Variants in NTNG1 observed in about 807,000 individuals in gnomAD.
NTNG1 encodes netrin-G1.
In NTNG1, 16 loss-of-function variants were observed where a neutral mutation model predicts 54.0. The observed-to-expected ratio is 0.30, with a 90% CI of 0.20 to 0.45. NTNG1 has a LOEUF of 0.45. Among genes scored for constraint, NTNG1 ranks in the 20% least tolerant of loss-of-function variants. The pLI, the probability that NTNG1 is intolerant of heterozygous loss-of-function variation, is 1.00. For missense variants in NTNG1, 530 were observed against 678.7 expected (o/e 0.78, Z 2.43); for synonymous variants, 255 against 263.1 (o/e 0.97, Z 0.30).
At position 107,480,769 on chromosome 1, in the gene NTNG1, C is replaced by A; in HGVS notation, c.1549C>A (p.Pro517Thr). 3 of 1,603,068 alleles carry A rather than the reference C, an allele frequency of 1.9e-6. No homozygotes were observed. The highest frequency in any genetic ancestry group is 1.7e-6 in the Non-Finnish European group (2 of 1,176,348). The change falls in exon 8 of 8, where the codon CCC becomes ACC. Residue 517 changes from proline to threonine, a missense_variant. Pro to Thr is a conservative substitution (Grantham distance 38). Coordinates refer to ENST00000370068, the MANE Select transcript of NTNG1 (RefSeq NM_001113226.3). The stretch of plus-strand genomic sequence containing the variant: ...CGGCTCCGACTCTGGCCAGGGCGCG[C>A]CCCCGCACGGCTCCCCAGCGCTGCT... Reference protein sequence around the residue: ...SCGSDSGQGAPPHGSPALLLL... With the variant: ...SCGSDSGQGATPHGSPALLLL...
chr1:107,359,327 G>A (rs1272916818), intron 3 of NTNG1, among the ~76,000 whole-genome samples: 2 of 152,158 alleles, frequency 1.3e-5, no homozygotes, highest in South Asian at 2.1e-4. Flanking sequence ...ATTGATTGCA[G>A]AGAAATATAA....
intron 7 of NTNG1, among the ~76,000 whole-genome samples, chr1:107,466,539 C>T (rs988078139): frequency 1.1e-4 from 16 of 152,050 alleles, no homozygotes; most frequent in Non-Finnish European, 1.8e-4. Flanking sequence ...TAAGAAATGT[C>T]GAGGAAAGTG....
chr1:107,378,797 C>A (rs892379851), intron 3 of NTNG1, among the ~76,000 whole-genome samples: 1 of 152,138 alleles, frequency 6.6e-6, no homozygotes, highest in South Asian at 2.1e-4. Context: ...CTCAGTCTGG[C>A]GGGTTGTGGG....
At chr1:107,290,121 A>G (rs1665483919) in intron 2 of NTNG1, among the ~76,000 whole-genome samples, 1 of 152,206 alleles carries the variant, frequency 6.6e-6, no homozygotes, top group Admixed American at 6.5e-5. Flanking sequence ...TTAGTCAACC[A>G]GACACATAAT....
At chr1:107,322,598 A>C (rs1199154405) in intron 2 of NTNG1, among the ~76,000 whole-genome samples, 1 of 152,062 alleles carries the variant, frequency 6.6e-6, no homozygotes. Flanking sequence ...TGGCATGCTT[A>C]AGAGAATTTA....
chr1:107,314,882 T>C (rs1667242698), intron 2 of NTNG1, among the ~76,000 whole-genome samples: 1 of 152,236 alleles, frequency 6.6e-6, no homozygotes, highest in South Asian at 2.1e-4. Context: ...TTGCGTTATC[T>C]GTAAACAAAG....
chr1:107,464,255 C>T (rs1304847548), intron 7 of NTNG1, among the ~76,000 whole-genome samples: 1 of 152,184 alleles, frequency 6.6e-6, no homozygotes. Flanking sequence ...CTTTAGACTA[C>T]AGTATTTAAA....
intron 2 of NTNG1, among the ~76,000 whole-genome samples, chr1:107,255,537 G>A (rs1235216502): frequency 6.6e-6 from 1 of 152,172 alleles, no homozygotes; most frequent in African/African-American, 2.4e-5. Flanking sequence ...TGACTTGAAA[G>A]CTGAAACTCG....
chr1:107,156,619 GAT>G (rs56978389), intron 2 of NTNG1, among the ~76,000 whole-genome samples: 3,390 of 152,250 alleles, frequency 0.022, 113 homozygotes, highest in African/African-American at 0.078. Context: ...TTTAAAGAAT[GAT>G]ATGGCAAAAT....
intron 3 of NTNG1, among the ~76,000 whole-genome samples, chr1:107,370,658 C>T (rs1670866484): frequency 6.6e-6 from 1 of 151,994 alleles, no homozygotes; most frequent in African/African-American, 2.4e-5. Context: ...AGTCTCCAAT[C>T]CCATCCAGTT....
chr1:107,229,238 T>G (rs1393109839), intron 2 of NTNG1, among the ~76,000 whole-genome samples: 2 of 151,190 alleles, frequency 1.3e-5, no homozygotes, highest in Non-Finnish European at 2.9e-5. Flanking sequence ...CAATCTTTGC[T>G]CAATATGTAC....
At chr1:107,218,433 T>C (rs1286197997) in intron 2 of NTNG1, among the ~76,000 whole-genome samples, 1 of 152,190 alleles carries the variant, frequency 6.6e-6, no homozygotes, top group Non-Finnish European at 1.5e-5. Flanking sequence ...AAATGGAGCA[T>C]TTAGGCCATT....
At position 107,483,879 on chromosome 1, in the gene NTNG1, T is replaced by A. The variant is rs1678877079; in HGVS notation, c.*3039T>A. The stretch of plus-strand genomic sequence containing the variant: ...TTATAGGAAGATAATGGACATGCCC[T>A]GCTGTGATTTGAGGGTTATTTATTT... On this transcript the variant is annotated 3_prime_UTR_variant, in exon 8 of 8. Transcript: ENST00000370068. 6.6e-6 allele frequency among the ~76,000 whole-genome samples: 1 copy of A among 152,202 alleles called. No individual in the cohort carries two copies. The highest frequency in any genetic ancestry group is 2.4e-5 in the African/African-American group (1 of 41,454).
chr1:107,406,937 G>A (rs1037905073), intron 4 of NTNG1, among the ~76,000 whole-genome samples: 3 of 152,122 alleles, frequency 2.0e-5, no homozygotes, highest in African/African-American at 7.2e-5. Flanking sequence ...ATATTGCTGG[G>A]TTAGATACAG....
intron 2 of NTNG1, among the ~76,000 whole-genome samples, chr1:107,214,993 A>AT (rs1031698057): frequency 6.7e-6 from 1 of 149,858 alleles, no homozygotes; most frequent in East Asian, 2.0e-4. Flanking sequence ...TTTTTTCTTG[A>AT]TTTTTTGTTT....
intron 2 of NTNG1, among the ~76,000 whole-genome samples, chr1:107,240,490 G>C (rs1238436563): frequency 6.6e-6 from 1 of 152,146 alleles, no homozygotes; most frequent in African/African-American, 2.4e-5. Context: ...ATCTCTGCCT[G>C]TTTATGCCAG....
At chr1:107,386,175 T>TC (rs1464332854) in intron 3 of NTNG1, among the ~76,000 whole-genome samples, 4 of 142,658 alleles carry the variant, frequency 2.8e-5, no homozygotes, top group African/African-American at 5.5e-5. Context: ...ATTTTTTTTT[T>TC]TTTCTTCCTT....
chr1:107,204,944 C>G (rs917730373), intron 2 of NTNG1, among the ~76,000 whole-genome samples: 1 of 152,060 alleles, frequency 6.6e-6, no homozygotes, highest in Non-Finnish European at 1.5e-5. Context: ...AGTCACTGAG[C>G]TAAAAGCATC....
intron 2 of NTNG1, among the ~76,000 whole-genome samples, chr1:107,252,214 C>A (rs1662650790): frequency 6.6e-6 from 1 of 152,206 alleles, no homozygotes; most frequent in Admixed American, 6.5e-5. Flanking sequence ...AAAGTCTTCA[C>A]TGGCACCTAC....
Sources: gnomAD v4.1 joint callset for allele counts (sites outside exome capture counted in the v4.1 genomes callset) on GRCh38, gnomAD v4.1.1 for gene constraint, MANE v1.5 for transcripts, NCBI Gene and HGNC (gene_info 2026-07-23, HGNC 2026-07-21) for gene names.